GSE1: variants seen among roughly 807,000 people sequenced by gnomAD.
GSE1 encodes Gse1 coiled-coil protein.
Under a neutral mutation model 112.6 loss-of-function variants are expected in GSE1, and 32 were observed. The observed-to-expected ratio is 0.28, with a 90% CI of 0.21 to 0.38. The LOEUF (loss-of-function observed/expected upper bound fraction) is 0.38. Ranked by LOEUF, GSE1 falls within the 10% of genes least tolerant of loss-of-function variation. The probability of loss-of-function intolerance (pLI) is 1.00; values close to 1 mark genes in which losing one functional copy is unlikely to be tolerated. For missense variants in GSE1, 2,348 were observed against 1,699.2 expected, an observed-to-expected ratio of 1.38 and a Z score of -6.71; for synonymous variants, 1,115 against 735.6, an observed-to-expected ratio of 1.52 and a Z score of -8.35.
chr16:85,211,184 G>A (rs2075218490), intron 1 of GSE1, among the ~76,000 whole-genome samples: 1 of 152,212 alleles, frequency 6.6e-6, no homozygotes, highest in African/African-American at 2.4e-5. Flanking sequence ...CCCTCTGGGA[G>A]TTCCTTAGGG....
exon 1 of GSE1, chr16:85,170,279 T>A (rs2143105838): frequency 3.0e-6 from 3 of 985,240 alleles, no homozygotes; most frequent in Admixed American, 6.1e-5. Context: ...AAGTCCGGGG[T>A]TAGGCGCCGG....
intron 1 of GSE1, among the ~76,000 whole-genome samples, chr16:85,583,739 CAA>C (rs2046557768): frequency 1.3e-5 from 2 of 152,104 alleles, no homozygotes; most frequent in Non-Finnish European, 2.9e-5. Flanking sequence ...CACAAAAAAA[CAA>C]AAGAGGAGGC....
intron 2 of GSE1, among the ~76,000 whole-genome samples, chr16:85,635,974 C>T (rs2049962946): frequency 6.6e-6 from 1 of 152,250 alleles, no homozygotes; most frequent in Non-Finnish European, 1.5e-5. Context: ...TCCGCTGCCC[C>T]ATGCTGCTGG....
chr16:85,328,471 C>CGCCT (rs1567690585), intron 1 of GSE1, among the ~76,000 whole-genome samples: 1 of 152,254 alleles, frequency 6.6e-6, no homozygotes, highest in African/African-American at 2.4e-5. Flanking sequence ...TTCCCCCGCC[C>CGCCT]GCCTAGACAC....
chr16:85,249,955 G>T (rs890713778), intron 1 of GSE1, among the ~76,000 whole-genome samples: 1 of 152,252 alleles, frequency 6.6e-6, no homozygotes, highest in African/African-American at 2.4e-5. Context: ...CCATGCCTCG[G>T]TTTCCTTGTC....
intron 1 of GSE1, among the ~76,000 whole-genome samples, chr16:85,304,637 CACCAA>C (rs2045624586): frequency 6.6e-6 from 1 of 151,246 alleles, no homozygotes; most frequent in Admixed American, 6.6e-5. Context: ...TTGAGTCCAC[CACCAA>C]ACCTGGTGTC....
intron 1 of GSE1, among the ~76,000 whole-genome samples, chr16:85,255,395 G>T (rs190112852): frequency 6.6e-6 from 1 of 151,998 alleles, no homozygotes; most frequent in African/African-American, 2.4e-5. Flanking sequence ...GTAAAGTAGG[G>T]GTGATGTCAG....
intron 1 of GSE1, among the ~76,000 whole-genome samples, chr16:85,563,833 A>C (rs1338938796): frequency 1.3e-5 from 2 of 152,206 alleles, no homozygotes. Context: ...TGGTCACCTC[A>C]GGCTGGGCAC....
intron 1 of GSE1, among the ~76,000 whole-genome samples, chr16:85,347,178 C>T (rs1347099457): frequency 1.3e-5 from 2 of 151,610 alleles, no homozygotes; most frequent in Non-Finnish European, 2.9e-5. Flanking sequence ...AGGAGATGAG[C>T]AGGTATGGGG....
chr16:85,204,166 C>T (rs542486627), intron 1 of GSE1, among the ~76,000 whole-genome samples: 2 of 152,332 alleles, frequency 1.3e-5, no homozygotes, highest in East Asian at 3.9e-4. Context: ...TTGTGAATCT[C>T]CTTTCCGTCT....
chr16:85,189,998 A>G (rs968002596), intron 1 of GSE1, among the ~76,000 whole-genome samples: 3 of 152,186 alleles, frequency 2.0e-5, no homozygotes, highest in African/African-American at 7.2e-5. Flanking sequence ...GGGGCTTAAG[A>G]TGTATCATCT....
At chr16:85,650,747 C>A (rs1016132349) in intron 3 of GSE1, among the ~76,000 whole-genome samples, 1 of 152,146 alleles carries the variant, frequency 6.6e-6, no homozygotes, top group Non-Finnish European at 1.5e-5. Flanking sequence ...AGAGGCTCAG[C>A]GGGGCATTTA....
Position 85,452,990 on chromosome 16 carries a change from A to G in GSE1, c.2464+95347A>G, listed in dbSNP as rs529390350. 1.8e-4 allele frequency among the ~76,000 whole-genome samples: 28 copies of G among 152,170 alleles called. 1 individual carries two copies. In the South Asian group the frequency reaches 5.6e-3, roughly 30 times the overall value. ...GCTTCTCTGGCTGTGTGGTTTGGCA[A>G]TTTGCCTGTGTTTTGGTTTTCTGTC... On this transcript the variant is annotated intron_variant, in intron 2 of 2. Transcript: ENST00000637419.
chr16:85,419,652 G>C lies in GSE1; in HGVS notation c.2464+62009G>C, dbSNP rs1401932445. ...AAAAACAAAAAATAACATTATGCCA[G>C]AACATGCCAGCCTTTCTCATGCCTC... On this transcript the variant is annotated intron_variant, in intron 2 of 2. Coordinates refer to the GSE1 transcript ENST00000637419. The surrounding 1 kb of genome is among the most constrained non-coding windows in gnomAD (Gnocchi z 6.5). Among the ~76,000 whole-genome samples, 2 of 151,996 alleles carry C rather than the reference G, an allele frequency of 1.3e-5. No individual in the cohort carries two copies. The highest frequency in any genetic ancestry group is 4.8e-5 in the African/African-American group (2 of 41,368).
At chr16:85,514,831 G>A (rs754402213) in intron 2 of GSE1, among the ~76,000 whole-genome samples, 1 of 152,208 alleles carries the variant, frequency 6.6e-6, no homozygotes, top group Non-Finnish European at 1.5e-5. Context: ...TCCCTGCAGG[G>A]ATCCTGGGAG....
At chr16:85,487,286 G>A (rs1268613167) in intron 2 of GSE1, among the ~76,000 whole-genome samples, 15 of 152,134 alleles carry the variant, frequency 9.9e-5, no homozygotes, top group Non-Finnish European at 1.6e-4. Context: ...ACAGCCTTGC[G>A]TCTCCTCCCG....
chr16:85,647,187 CT>C (rs2050944412), intron 2 of GSE1, among the ~76,000 whole-genome samples: 1 of 152,214 alleles, frequency 6.6e-6, no homozygotes, highest in Admixed American at 6.5e-5. Flanking sequence ...TCCATGCCCC[CT>C]GTCCTTGGGG....
chr16:85,496,571 C>T (rs1409582541), intron 2 of GSE1, among the ~76,000 whole-genome samples: 1 of 152,358 alleles, frequency 6.6e-6, no homozygotes, highest in East Asian at 1.9e-4. Flanking sequence ...CCACCCACCG[C>T]TGGCAGCTTT....
At chr16:85,276,372 G>A (rs1909361789) in intron 1 of GSE1, among the ~76,000 whole-genome samples, 2 of 152,342 alleles carry the variant, frequency 1.3e-5, no homozygotes, top group Non-Finnish European at 1.5e-5. Context: ...GAGCTGGTAC[G>A]CACTGGACCA....
Sources: allele counts gnomAD v4.1 joint callset (sites outside exome capture counted in the v4.1 genomes callset), GRCh38; gene constraint gnomAD v4.1.1; non-coding constraint Gnocchi (gnomAD v3.1); transcripts MANE v1.5; gene names NCBI Gene and HGNC (gene_info 2026-07-23, HGNC 2026-07-21).